Variants in SLC6A13 observed in about 807,000 individuals in gnomAD.
The protein encoded by SLC6A13 is sodium- and chloride-dependent GABA transporter 2.
In SLC6A13, 69 loss-of-function variants were observed where a neutral mutation model predicts 72.9. The observed-to-expected ratio is 0.95, with a 90% confidence interval of 0.78 to 1.16. The LOEUF (loss-of-function observed/expected upper bound fraction) is 1.16. Among genes scored for constraint, SLC6A13 ranks in the 50% most tolerant of loss-of-function variants. The pLI, the probability that SLC6A13 is intolerant of heterozygous loss-of-function variation, is 0.00. For missense variants in SLC6A13, 735 were observed against 760.5 expected (o/e 0.97, Z 0.39); for synonymous variants, 303 against 303.0 (o/e 1.00, Z 0.00).
In SLC6A13 at chr12:234,977, G is replaced by A. The variant is rs555582786; in HGVS notation, c.831+113C>T. 2.5e-5 allele frequency: 30 copies of A among 1,214,906 alleles called. No homozygotes were observed. The African/African-American group carries it at 4.2e-4, about 17-fold the overall frequency. The allele number at this position is 1,214,906 out of a possible 1,614,324, so 75.3% of individuals were successfully genotyped here. ...GGAAGGGTGCACCTCTGCTGCCACT[G>A]TGGACACCCTAGGGTAGTGCTAGGT... On this transcript the variant is annotated intron_variant, in intron 7 of 14. Coordinates refer to ENST00000343164, the MANE Select transcript of SLC6A13 (RefSeq NM_016615.5).
At chr12:258,854 C>T (rs1014433002) in intron 2 of SLC6A13, 11 of 922,182 alleles carry the variant, frequency 1.2e-5, no homozygotes, top group South Asian at 5.0e-5. Context: ...ATTTGTGCTG[C>T]GAAATTTTTA....
Position 230,172 on chromosome 12 carries a change from T to C in SLC6A13, c.832-2504A>G, listed in dbSNP as rs965306022. Among the ~76,000 whole-genome samples, 3 of 152,016 alleles carry C rather than the reference T, an allele frequency of 2.0e-5. No individual in the cohort carries two copies. The South Asian group carries it at 6.2e-4, about 32-fold the overall frequency. On this transcript the variant is annotated intron_variant, in intron 7 of 14. Coordinates refer to ENST00000343164, the MANE Select transcript of SLC6A13 (RefSeq NM_016615.5). ...ACTCCACGAGCCCTGGTTTCTGGAA[T>C]AAAGCTCTGATTTGTCTCTGGCTAG...
intron 2 of SLC6A13, among the ~76,000 whole-genome samples, chr12:255,763 A>G (rs1942721582): frequency 6.6e-6 from 1 of 152,154 alleles, no homozygotes; most frequent in Non-Finnish European, 1.5e-5. Context: ...ATGTCACTAG[A>G]GCAAAAGCTG....
At chr12:222,477 G>A (rs1591818021) in intron 13 of SLC6A13, 55 bp downstream of exon 13, 2 of 1,162,594 alleles carry the variant, frequency 1.7e-6, no homozygotes, top group East Asian at 2.5e-5. Flanking sequence ...CTCTACCCCT[G>A]CTAGCCACCG....
intron 3 of SLC6A13, 99 bp downstream of exon 3, chr12:243,580 A>G (rs1408287531): frequency 2.5e-5 from 31 of 1,229,298 alleles, no homozygotes; most frequent in Non-Finnish European, 3.3e-5. Flanking sequence ...TCGGGATCTT[A>G]TCTTAACCTC....
At position 222,527 on chromosome 12, in the gene SLC6A13, C is replaced by T; in HGVS notation, c.1515+5G>A. On this transcript the variant is annotated splice_donor_5th_base_variant and intron_variant, in intron 13 of 14. Coordinates refer to ENST00000343164, the MANE Select transcript of SLC6A13 (RefSeq NM_016615.5). Reference sequence around the variant, plus strand: ...CATCTGACTTTATCCCTGAAATGATCTTACTGTGCACACAGCTGGTGTGAG... The same window carrying T: ...CATCTGACTTTATCCCTGAAATGATTTTACTGTGCACACAGCTGGTGTGAG... 6.3e-7 allele frequency: 1 copy of T among 1,582,416 alleles called. No individual in the cohort carries two copies. Among genetic ancestry groups the T allele is most frequent in the Non-Finnish European group, 8.7e-7 (1 of 1,155,636 alleles).
At chr12:251,155 CA>C (rs147560343) in intron 2 of SLC6A13, among the ~76,000 whole-genome samples, 2 of 120,962 alleles carry the variant, frequency 1.7e-5, no homozygotes, top group African/African-American at 6.1e-5. Context: ...GACTCTGTCT[CA>C]AAAAAAAACA....
intron 1 of SLC6A13, among the ~76,000 whole-genome samples, chr12:262,166 G>A (rs1490460760): frequency 6.6e-6 from 1 of 152,080 alleles, no homozygotes; most frequent in East Asian, 1.9e-4. Flanking sequence ...CAGACCCTAG[G>A]AGAAACAGTA....
At chr12:239,596 C>T (rs769941907) in intron 4 of SLC6A13, among the ~76,000 whole-genome samples, 10 of 152,234 alleles carry the variant, frequency 6.6e-5, no homozygotes, top group Admixed American at 4.6e-4. Flanking sequence ...ACATGTGCTG[C>T]TGCTTTCTAA....
At position 221,040 on chromosome 12, in the gene SLC6A13, C is replaced by T; in HGVS notation, c.1717G>A (p.Asp573Asn). ...RIRQLMCPAE[D>N]LPQRNPAGPS... is the part of the protein sequence containing the mutation. ...CCTGCTGGGTTCCGCTGGGGCAGGTCCTCGGCTGGGCACATGAGCTGACGG... is the reference window on the plus strand; with the variant it reads ...CCTGCTGGGTTCCGCTGGGGCAGGTTCTCGGCTGGGCACATGAGCTGACGG... The change falls in exon 15 of 15, where the codon GAC becomes AAC. Residue 573 changes from aspartate to asparagine, a missense_variant. Asp to Asn is a conservative substitution (Grantham distance 23). Transcript: ENST00000343164. 3 of 1,610,782 alleles carry T rather than the reference C, an allele frequency of 1.9e-6. No individual in the cohort carries two copies. The highest frequency in any genetic ancestry group is 2.5e-6 in the Non-Finnish European group (3 of 1,179,186).
At chr12:235,057 G>A in intron 7 of SLC6A13, 33 bp downstream of exon 7, 5 of 1,613,662 alleles carry the variant, frequency 3.1e-6, no homozygotes, top group Non-Finnish European at 4.2e-6. Context: ...TGCCCTGGGA[G>A]TCACGTGAGG....
At position 224,420 on chromosome 12, in the gene SLC6A13, A is replaced by G. The variant is rs553440976; in HGVS notation, c.1154T>C (p.Leu385Pro). 1 of 1,614,104 alleles carries G rather than the reference A, an allele frequency of 6.2e-7. No homozygotes were observed. The highest frequency in any genetic ancestry group is 2.2e-5 in the East Asian group (1 of 44,888). Residue 385 changes from leucine (L) to proline (P), a missense_variant, in exon 10 of 15, where the codon CTC becomes CCC. Transcript: ENST00000343164. ...WACCFFFMVV[L>P]LGLDSQFVCV... is the part of the protein sequence containing the mutation. Reference sequence around the variant, plus strand: ...TGATACCTGGCTATCCAGTCCCAGGAGAACGACCATGAAGAAGAAACAGCA... The same window carrying G: ...TGATACCTGGCTATCCAGTCCCAGGGGAACGACCATGAAGAAGAAACAGCA...
intron 7 of SLC6A13, among the ~76,000 whole-genome samples, chr12:228,553 C>T (rs1233265527): frequency 2.0e-5 from 3 of 152,144 alleles, no homozygotes; most frequent in Non-Finnish European, 4.4e-5. Context: ...TTCCAGAACC[C>T]CCCCAAGCAG....
At chr12:252,911 C>T (rs73040129) in intron 2 of SLC6A13, among the ~76,000 whole-genome samples, 214 of 146,254 alleles carry the variant, frequency 1.5e-3, no homozygotes, top group Middle Eastern at 3.5e-3. Context: ...TCCACACCTG[C>T]AAGGAGGGGC....
At position 252,865 on chromosome 12, in the gene SLC6A13, G is replaced by A. The variant is rs561408232; in HGVS notation, c.202+6986C>T. Among the ~76,000 whole-genome samples, 357 of 150,276 alleles carry A rather than the reference G, an allele frequency of 2.4e-3. 5 individuals carry two copies. Among genetic ancestry groups the A allele is most frequent in the Admixed American group, 0.022 (332 of 15,162 alleles). On this transcript the variant is annotated intron_variant, in intron 2 of 14. Transcript: ENST00000343164. ...TGCTCCCACCTCCTTCCTCTGCCTC[G>A]TTGAGCTCCTTGGCAGCCTGCCAAG...
At chr12:221,156 C>T (rs1941190409) in intron 14 of SLC6A13, 86 bp from the exon 15 acceptor site, 1 of 1,487,400 alleles carries the variant, frequency 6.7e-7, no homozygotes, top group Non-Finnish European at 8.9e-7. Flanking sequence ...TGCTGCCTCC[C>T]CACACACAAA....
chr12:242,651 G>A lies in SLC6A13; in HGVS notation c.441C>T (p.Asp147=). 1 of 1,613,862 alleles carries A rather than the reference G, an allele frequency of 6.2e-7. No individual in the cohort carries two copies. Among genetic ancestry groups the A allele is most frequent in the Non-Finnish European group, 8.5e-7 (1 of 1,179,912 alleles). Residue 147 remains aspartate (D), a synonymous_variant, in exon 4 of 15, where the codon GAC becomes GAT. Transcript: ENST00000343164. The part of the protein sequence containing the change: ...LFYLFSSFTI[D]LPWGGCYHEW... ...CATGGTAGCAGCCGCCCCAGGGCAG[G>A]TCGATGGTGAAGCTGCTGAAGAGGT...
intron 7 of SLC6A13, among the ~76,000 whole-genome samples, chr12:234,494 TATTTC>T (rs1379354928): frequency 2.0e-5 from 3 of 152,180 alleles, no homozygotes; most frequent in Non-Finnish European, 4.4e-5. Context: ...TATTTTATTT[TATTTC>T]ATTTTATTTT....
At chr12:229,685 C>T (rs905576862) in intron 7 of SLC6A13, among the ~76,000 whole-genome samples, 6 of 152,206 alleles carry the variant, frequency 3.9e-5, no homozygotes, top group South Asian at 2.1e-4. Flanking sequence ...CCCGGGAGCC[C>T]GGAGTCCTCG....
Sources: gnomAD v4.1 joint callset for allele counts (sites outside exome capture counted in the v4.1 genomes callset) on GRCh38, gnomAD v4.1.1 for gene constraint, MANE v1.5 for transcripts, NCBI Gene and HGNC (gene_info 2026-07-23, HGNC 2026-07-21) for gene names.